The following NBEA variants were observed in gnomAD, a reference collection of about 807,000 sequenced individuals.
NBEA encodes the protein lysosomal-trafficking regulator 2.
NBEA carries 44 observed loss-of-function variants against 343.4 expected under a neutral mutation model. The ratio of observed to expected loss-of-function variants is 0.13; its 90% CI spans 0.10 to 0.16. The LOEUF is 0.16. Among genes scored for constraint, NBEA ranks in the 10% least tolerant of loss-of-function variants. The probability of loss-of-function intolerance (pLI) is 1.00; values close to 1 mark genes in which losing one functional copy is unlikely to be tolerated. For missense variants in NBEA, 2,555 were observed against 3,631.3 expected (o/e 0.70, Z 7.62); for synonymous variants, 1,175 against 1,238.7 (o/e 0.95, Z 1.08).
intron 33 of NBEA, among the ~76,000 whole-genome samples, chr13:35,228,573 A>T (rs763279944): frequency 6.6e-6 from 1 of 152,040 alleles, no homozygotes; most frequent in Non-Finnish European, 1.5e-5. Context: ...TCCAGTGTCT[A>T]TCATTCCATA....
At chr13:35,580,117 A>G (rs2080946511) in intron 45 of NBEA, among the ~76,000 whole-genome samples, 1 of 152,110 alleles carries the variant, frequency 6.6e-6, no homozygotes. Flanking sequence ...TTATAGGGAT[A>G]GAAATTTTAT....
chr13:35,618,765 A>G (rs1212018319), intron 48 of NBEA, among the ~76,000 whole-genome samples: 2 of 152,194 alleles, frequency 1.3e-5, no homozygotes, highest in Non-Finnish European at 2.9e-5. Flanking sequence ...ACAGAAATAG[A>G]AAGTATCTGA....
chr13:35,067,684 G>C (rs1271320937), intron 8 of NBEA, among the ~76,000 whole-genome samples: 1 of 151,632 alleles, frequency 6.6e-6, no homozygotes, highest in African/African-American at 2.4e-5. Flanking sequence ...GAAATAATAC[G>C]GTAAACATTG....
intron 38 of NBEA, among the ~76,000 whole-genome samples, chr13:35,382,768 T>C (rs1594426147): frequency 1.3e-5 from 2 of 152,136 alleles, no homozygotes; most frequent in African/African-American, 4.8e-5. Flanking sequence ...TGCAACATGA[T>C]AAAAAATTTC....
chr13:35,668,368 G>T lies in NBEA; in HGVS notation c.8662G>T (p.Ala2888Ser), dbSNP rs747475015. 1.9e-6 allele frequency: 3 copies of T among 1,596,772 alleles called. No individual in the cohort carries two copies. Among genetic ancestry groups the T allele is most frequent in the East Asian group, 2.2e-5 (1 of 44,472 alleles). Residue 2888 changes from alanine (A) to serine (S), a missense_variant and splice_region_variant, in exon 58 of 59, where the codon GCC (alanine) becomes TCC (serine). Physicochemically the swap from Ala to Ser is moderately conservative, Grantham distance 99. This residue lies in a region of NBEA where 186 missense variants were observed against 328.9 expected (regional missense o/e 0.57). Coordinates refer to ENST00000379939, the MANE Select transcript of NBEA (RefSeq NM_001385012.1). Reference protein sequence around the residue: ...AQMEINDSTRAILLSSDGQNL... With the variant: ...AQMEINDSTRSILLSSDGQNL... ...TTTGTTTGTTTTACCTTTTCTGAAG[G>T]CCATTCTCCTGAGCAGTGACGGCCA...
chr13:35,411,647 T>TTTG (rs145728162), intron 38 of NBEA, among the ~76,000 whole-genome samples: 73,590 of 148,518 alleles, frequency 0.5, 20,138 homozygotes, highest in Middle Eastern at 0.67. Flanking sequence ...TGTTTTTTGT[T>TTTG]TTGTTGTTGT....
chr13:35,011,205 A>G (rs1174715950), intron 1 of NBEA, among the ~76,000 whole-genome samples: 6 of 152,134 alleles, frequency 3.9e-5, no homozygotes, highest in African/African-American at 1.2e-4. Flanking sequence ...AACATATCAA[A>G]GTTGCCTTTC....
chr13:35,479,699 A>G (rs1947713), intron 41 of NBEA, among the ~76,000 whole-genome samples: 52,646 of 151,954 alleles, frequency 0.35, 9,260 homozygotes, highest in East Asian at 0.48. Flanking sequence ...ATATACATTT[A>G]TGTATTAATG....
chr13:35,044,309 C>T (rs1302814224), intron 2 of NBEA, among the ~76,000 whole-genome samples: 21 of 152,216 alleles, frequency 1.4e-4, no homozygotes, highest in African/African-American at 4.8e-4. Flanking sequence ...ATCTGTGCCA[C>T]AATTTGCTCA....
intron 44 of NBEA, among the ~76,000 whole-genome samples, chr13:35,558,660 ACTC>A (rs1261975680): frequency 6.6e-6 from 1 of 151,948 alleles, no homozygotes; most frequent in Non-Finnish European, 1.5e-5. Flanking sequence ...TGATCCTCAG[ACTC>A]CTCCTCAAGC....
chr13:35,566,335 T>C (rs1372870876), intron 44 of NBEA, among the ~76,000 whole-genome samples: 1 of 151,940 alleles, frequency 6.6e-6, no homozygotes. Context: ...CACTCCAGCC[T>C]GGGCGACAGA....
At chr13:35,348,561 T>C (rs773578689) in intron 36 of NBEA, among the ~76,000 whole-genome samples, 45 of 152,100 alleles carry the variant, frequency 3.0e-4, no homozygotes, top group Non-Finnish European at 1.2e-4. Flanking sequence ...ATATTAGAAT[T>C]TGGAATCTCA....
intron 17 of NBEA, among the ~76,000 whole-genome samples, chr13:35,130,887 T>C (rs796124562): frequency 3.1e-4 from 47 of 152,018 alleles, no homozygotes; most frequent in African/African-American, 1.1e-3. Context: ...TAAATAACTA[T>C]AACAAGAAGT....
chr13:35,090,774 T>A (rs1002776653), intron 10 of NBEA, among the ~76,000 whole-genome samples: 3 of 151,912 alleles, frequency 2.0e-5, no homozygotes, highest in African/African-American at 7.2e-5. Context: ...CACTCTACCC[T>A]GTTTCTCCTA....
chr13:35,108,458 A>C (rs577674842), intron 11 of NBEA, among the ~76,000 whole-genome samples: 29 of 152,238 alleles, frequency 1.9e-4, no homozygotes, highest in African/African-American at 6.7e-4. Context: ...CTAGTAAAAA[A>C]ATACAGGTGG....
intron 1 of NBEA, among the ~76,000 whole-genome samples, chr13:34,992,260 A>AT (rs1241605830): frequency 6.6e-4 from 88 of 132,398 alleles, no homozygotes; most frequent in East Asian, 2.1e-3. Flanking sequence ...ATATATATAT[A>AT]TATTTTTTTT....
At chr13:35,653,623 G>A (rs1324505940) in intron 53 of NBEA, among the ~76,000 whole-genome samples, 4 of 152,264 alleles carry the variant, frequency 2.6e-5, no homozygotes, top group East Asian at 1.9e-4. Context: ...GAGCCACCAC[G>A]CGCAGCCTCT....
intron 44 of NBEA, among the ~76,000 whole-genome samples, chr13:35,557,057 A>G (rs547046297): frequency 5.3e-5 from 8 of 152,086 alleles, no homozygotes; most frequent in Admixed American, 2.6e-4. Flanking sequence ...TGTGCTAGCT[A>G]TTTGGAGCTG....
chr13:35,260,040 T>C (rs373976807), intron 34 of NBEA, among the ~76,000 whole-genome samples: 2 of 152,330 alleles, frequency 1.3e-5, no homozygotes, highest in East Asian at 3.9e-4. Context: ...AAGATATGGT[T>C]ATCTTTAATA....
Sources: gnomAD v4.1 joint callset for allele counts (sites outside exome capture counted in the v4.1 genomes callset) on GRCh38, gnomAD v4.1.1 for gene constraint, gnomAD v4.1.1 regional missense constraint, MANE v1.5 for transcripts, NCBI Gene and HGNC (gene_info 2026-07-23, HGNC 2026-07-21) for gene names.